Variants in VPS41 observed in about 807,000 individuals in gnomAD.
VPS41 encodes VPS41 subunit of HOPS complex.
VPS41 carries 85 observed loss-of-function variants against 130.9 expected under a neutral mutation model. The ratio of observed to expected loss-of-function variants is 0.65; its 90% confidence interval spans 0.55 to 0.78. The LOEUF is 0.78. Ranked by LOEUF, VPS41 falls within the 30% of genes least tolerant of loss-of-function variation. The pLI is 0.00. For synonymous variants in VPS41, 335 were observed against 332.9 expected, an observed-to-expected ratio of 1.01 and a Z score of -0.07; for missense variants, 874 against 1,018.7, an observed-to-expected ratio of 0.86 and a Z score of 1.93.
intron 1 of VPS41, 135 bp downstream of exon 1, chr7:38,909,019 A>AC: frequency 1.0e-5 from 9 of 878,756 alleles, no homozygotes; most frequent in Middle Eastern, 2.4e-4. Flanking sequence ...TCGCCATCCC[A>AC]CCCCGCCCTG....
At chr7:38,776,628 T>C (rs1435976397) in intron 11 of VPS41, 51 bp downstream of exon 11, 5 of 1,004,036 alleles carry the variant, frequency 5.0e-6, no homozygotes, top group South Asian at 1.3e-5. Context: ...CTGGGTGTAA[T>C]GCTAAAAGTG....
chr7:38,788,319 A>G (rs1321351352), intron 10 of VPS41, among the ~76,000 whole-genome samples: 1 of 152,214 alleles, frequency 6.6e-6, no homozygotes, highest in Non-Finnish European at 1.5e-5. Context: ...TTAACGCTAT[A>G]GTAGTAAGAT....
At position 38,830,239 on chromosome 7, in the gene VPS41, A is replaced by ACATCTTTGCCATAC; in HGVS notation, c.321+1_321+14dup. 6.3e-7 allele frequency: 1 copy of ACATCTTTGCCATAC among 1,589,136 alleles called. No individual in the cohort carries two copies. Among genetic ancestry groups the ACATCTTTGCCATAC allele is most frequent in the African/African-American group, 1.3e-5 (1 of 74,592 alleles). ...GCGCCACAGAACTCTCTGCATGACCACATCTTTGCCATACCTTGCCATCCT... is the reference window on the plus strand; with the variant it reads ...GCGCCACAGAACTCTCTGCATGACCACATCTTTGCCATACCATCTTTGCCATACCTTGCCATCCT... On this transcript the variant is annotated intron_variant, in intron 5 of 28. Coordinates refer to ENST00000310301, the MANE Select transcript of VPS41 (RefSeq NM_014396.4).
intron 7 of VPS41, among the ~76,000 whole-genome samples, chr7:38,810,210 A>C (rs1284915929): frequency 1.3e-5 from 2 of 151,852 alleles, no homozygotes; most frequent in East Asian, 3.9e-4. Flanking sequence ...AACTACTAAG[A>C]AGATACCTTG....
chr7:38,765,525 C>T (rs117437004), intron 16 of VPS41, 55 bp downstream of exon 16: 24,713 of 1,165,126 alleles, frequency 0.021, 336 homozygotes, highest in Middle Eastern at 0.047. Context: ...GTTTCCACTG[C>T]AATATTAATA....
At chr7:38,740,301 T>C (rs377040517) in intron 25 of VPS41, among the ~76,000 whole-genome samples, 8 of 152,172 alleles carry the variant, frequency 5.3e-5, no homozygotes, top group Non-Finnish European at 1.0e-4. Flanking sequence ...AAGGTCATTA[T>C]CAAGCTCACT....
chr7:38,860,462 G>A (rs74562956), intron 4 of VPS41, among the ~76,000 whole-genome samples: 3,043 of 151,850 alleles, frequency 0.02, 103 homozygotes, highest in African/African-American at 0.068. Flanking sequence ...ACCATTATTT[G>A]AACTCTATTG....
At chr7:38,827,969 T>C (rs1055853352) in intron 5 of VPS41, among the ~76,000 whole-genome samples, 2 of 152,214 alleles carry the variant, frequency 1.3e-5, no homozygotes, top group East Asian at 3.9e-4. Flanking sequence ...GTAATTATTA[T>C]TATTAGTCCA....
chr7:38,887,703 G>A (rs1239506298), intron 2 of VPS41, among the ~76,000 whole-genome samples: 2 of 152,044 alleles, frequency 1.3e-5, no homozygotes, highest in African/African-American at 4.8e-5. Context: ...TCCTCGAGAA[G>A]AGCAACCCCA....
intron 6 of VPS41, among the ~76,000 whole-genome samples, chr7:38,818,380 G>C (rs1785104100): frequency 6.6e-6 from 1 of 152,112 alleles, no homozygotes; most frequent in Admixed American, 6.5e-5. Flanking sequence ...TCAATGGAGA[G>C]AGAACAGAGC....
intron 2 of VPS41, among the ~76,000 whole-genome samples, chr7:38,886,647 A>T (rs1189260798): frequency 6.6e-6 from 1 of 152,238 alleles, no homozygotes; most frequent in Non-Finnish European, 1.5e-5. Context: ...TCCCTGCCTC[A>T]CAGCTCTGAA....
intron 5 of VPS41, among the ~76,000 whole-genome samples, chr7:38,829,753 T>C (rs1474195081): frequency 6.6e-6 from 1 of 152,232 alleles, no homozygotes; most frequent in Non-Finnish European, 1.5e-5. Context: ...TGATTTTACA[T>C]TTATTTAATG....
intron 22 of VPS41, among the ~76,000 whole-genome samples, chr7:38,749,757 CTT>C (rs1361168607): frequency 6.6e-6 from 1 of 152,226 alleles, no homozygotes; most frequent in Admixed American, 6.5e-5. Flanking sequence ...GAGAAATCCA[CTT>C]TGTCATTCGC....
At chr7:38,745,520 C>T (rs1795969277) in intron 23 of VPS41, 39 bp downstream of exon 23, 1 of 1,537,868 alleles carries the variant, frequency 6.5e-7, no homozygotes, top group Non-Finnish European at 9.0e-7. Flanking sequence ...CATCCCATTT[C>T]TTAGTTTATG....
intron 4 of VPS41, among the ~76,000 whole-genome samples, chr7:38,858,878 TA>T (rs1786042193): frequency 6.6e-6 from 1 of 152,084 alleles, no homozygotes; most frequent in Non-Finnish European, 1.5e-5. Flanking sequence ...CTCCTACTTA[TA>T]AAAAAAGAAG....
chr7:38,870,483 T>C (rs1376628431), intron 2 of VPS41, among the ~76,000 whole-genome samples: 3 of 152,016 alleles, frequency 2.0e-5, no homozygotes, highest in African/African-American at 4.8e-5. Flanking sequence ...CAATCTTTGA[T>C]TGGAGTAAGG....
chr7:38,761,569 A>ACTTTGT (rs1302228419), intron 17 of VPS41, among the ~76,000 whole-genome samples: 2 of 150,416 alleles, frequency 1.3e-5, no homozygotes, highest in Non-Finnish European at 3.0e-5. Context: ...CTGGGATTAC[A>ACTTTGT]GGGGTGAGCC....
In VPS41 at chr7:38,748,664, G is replaced by A. The variant is rs547749511; in HGVS notation, c.1927-3051C>T. Reference sequence around the variant, plus strand: ...TCAGATTTGCAAAATGAAAACCAGTGCCTGATGACCACATCTGTAAATTAC... The same window carrying A: ...TCAGATTTGCAAAATGAAAACCAGTACCTGATGACCACATCTGTAAATTAC... On this transcript the variant is annotated intron_variant, in intron 22 of 28. Coordinates refer to ENST00000310301, the MANE Select transcript of VPS41 (RefSeq NM_014396.4). 1.3e-3 allele frequency among the ~76,000 whole-genome samples: 202 copies of A among 151,422 alleles called. 1 individual carries two copies. The highest frequency in any genetic ancestry group is 4.2e-3 in the Admixed American group (63 of 15,156).
At chr7:38,737,242 C>T (rs924249399) in intron 25 of VPS41, among the ~76,000 whole-genome samples, 11 of 151,872 alleles carry the variant, frequency 7.2e-5, no homozygotes, top group African/African-American at 1.5e-4. Flanking sequence ...TATGGTGGCA[C>T]GTGTCTGTAA....
Sources: gnomAD v4.1 joint callset for allele counts (sites outside exome capture counted in the v4.1 genomes callset) on GRCh38, gnomAD v4.1.1 for gene constraint, MANE v1.5 for transcripts, NCBI Gene and HGNC (gene_info 2026-07-23, HGNC 2026-07-21) for gene names.